The following HS6ST3 variants were observed in gnomAD, a reference collection of about 807,000 sequenced individuals.
HS6ST3 encodes heparan sulfate 6-O-sulfotransferase 3.
Under a neutral mutation model 36.7 loss-of-function variants are expected in HS6ST3, and 12 were observed. That is an observed-to-expected ratio of 0.33 (90% confidence interval 0.21 to 0.53). The LOEUF (loss-of-function observed/expected upper bound fraction) is 0.53, where lower values mean the gene tolerates loss of function less well. Among genes scored for constraint, HS6ST3 ranks in the 20% least tolerant of loss-of-function variants. HS6ST3 has a pLI of 0.95. For synonymous variants in HS6ST3, 240 were observed against 257.5 expected (o/e 0.93, Z 0.65); for missense variants, 584 against 640.9 (o/e 0.91, Z 0.96).
At chr13:96,578,573 A>G (rs1198182304) in intron 1 of HS6ST3, among the ~76,000 whole-genome samples, 1 of 151,866 alleles carries the variant, frequency 6.6e-6, no homozygotes, top group Non-Finnish European at 1.5e-5. Flanking sequence ...TTATTTATTT[A>G]TTTATTAGAC....
At chr13:96,141,005 T>TGGTG in intron 1 of HS6ST3, among the ~76,000 whole-genome samples, 1 of 152,292 alleles carries the variant, frequency 6.6e-6, no homozygotes, top group Non-Finnish European at 1.5e-5. Context: ...AAGAAAATCA[T>TGGTG]CAAGGAGAAA....
intron 1 of HS6ST3, among the ~76,000 whole-genome samples, chr13:96,112,608 T>TAG (rs2053875474): frequency 9.7e-6 from 1 of 102,686 alleles, no homozygotes; most frequent in Non-Finnish European, 2.1e-5. Flanking sequence ...TATATATATA[T>TAG]ATATATATAT....
intron 1 of HS6ST3, among the ~76,000 whole-genome samples, chr13:96,453,525 A>T: frequency 6.6e-6 from 1 of 152,232 alleles, no homozygotes. Context: ...ACCGTGGAGA[A>T]CCATCTCTCA....
chr13:96,406,709 G>A (rs9516685), intron 1 of HS6ST3, among the ~76,000 whole-genome samples: 73,296 of 151,980 alleles, frequency 0.48, 18,066 homozygotes, highest in Middle Eastern at 0.59. Flanking sequence ...ACTCATTTAA[G>A]CACAGTGTGG....
chr13:96,695,598 G>GTTT (rs1215273009), intron 1 of HS6ST3, among the ~76,000 whole-genome samples: 12 of 104,688 alleles, frequency 1.1e-4, no homozygotes, highest in Non-Finnish European at 2.0e-4. Flanking sequence ...ACCCTCAGCT[G>GTTT]TTTTTTTTTT....
At chr13:96,463,796 A>G (rs2055797212) in intron 1 of HS6ST3, among the ~76,000 whole-genome samples, 1 of 152,162 alleles carries the variant, frequency 6.6e-6, no homozygotes, top group Non-Finnish European at 1.5e-5. Flanking sequence ...AAAAAGGAAC[A>G]TAAATGGCTC....
intron 1 of HS6ST3, among the ~76,000 whole-genome samples, chr13:96,806,992 C>A (rs184763679): frequency 5.8e-4 from 89 of 152,284 alleles, no homozygotes; most frequent in African/African-American, 1.9e-3. Flanking sequence ...ATTCTGGGTT[C>A]AAAGTTTTCC....
intron 1 of HS6ST3, among the ~76,000 whole-genome samples, chr13:96,250,907 A>G (rs746746847): frequency 1.3e-5 from 2 of 152,270 alleles, no homozygotes; most frequent in Non-Finnish European, 2.9e-5. Flanking sequence ...TGTAGACTTG[A>G]GCCATCCTTG....
chr13:96,703,725 T>C (rs1450508206), intron 1 of HS6ST3, among the ~76,000 whole-genome samples: 1 of 152,210 alleles, frequency 6.6e-6, no homozygotes, highest in African/African-American at 2.4e-5. Flanking sequence ...TATTAGTCCT[T>C]ACCCTCAAAA....
chr13:96,752,832 G>C (rs971464759), intron 1 of HS6ST3, among the ~76,000 whole-genome samples: 2 of 151,936 alleles, frequency 1.3e-5, no homozygotes, highest in African/African-American at 4.8e-5. Flanking sequence ...TGGTTTGTTT[G>C]TGTCTTTTAA....
chr13:96,735,012 G>A (rs1309666342), intron 1 of HS6ST3, among the ~76,000 whole-genome samples: 2 of 152,120 alleles, frequency 1.3e-5, no homozygotes, highest in African/African-American at 2.4e-5. Flanking sequence ...ATGCTGCAGA[G>A]CTATTTTGGA....
Position 96,489,870 on chromosome 13 carries a change from G to A in HS6ST3, c.708-342620G>A, listed in dbSNP as rs1453517418. Among the ~76,000 whole-genome samples, 2 of 152,054 alleles carry A rather than the reference G, an allele frequency of 1.3e-5. 1 individual carries two copies. Among genetic ancestry groups the A allele is most frequent in the Middle Eastern group, 6.3e-3 (2 of 316 alleles). ...TATCAGATAACACTATTCTTAAAATGTCTTCTTCCACCTAGCTCAGCCAGT... is the reference window on the plus strand; with the variant it reads ...TATCAGATAACACTATTCTTAAAATATCTTCTTCCACCTAGCTCAGCCAGT... On this transcript the variant is annotated intron_variant, in intron 1 of 1. Transcript: ENST00000376705.
intron 1 of HS6ST3, among the ~76,000 whole-genome samples, chr13:96,401,627 T>C (rs2055451655): frequency 6.6e-6 from 1 of 152,132 alleles, no homozygotes; most frequent in South Asian, 2.1e-4. Flanking sequence ...CAGGCTGGAG[T>C]ATGGTGGTGC....
chr13:96,364,903 TGAAG>T (rs1566338668), intron 1 of HS6ST3, among the ~76,000 whole-genome samples: 1 of 152,214 alleles, frequency 6.6e-6, no homozygotes, highest in African/African-American at 2.4e-5. Flanking sequence ...ATCTGAAAGA[TGAAG>T]GAACAGATTA....
At chr13:96,459,804 A>G (rs1295638347) in intron 1 of HS6ST3, among the ~76,000 whole-genome samples, 1 of 152,188 alleles carries the variant, frequency 6.6e-6, no homozygotes, top group Non-Finnish European at 1.5e-5. Flanking sequence ...TACCTTTAAA[A>G]TGATAAATTG....
chr13:96,651,698 C>T (rs1427767126), intron 1 of HS6ST3, among the ~76,000 whole-genome samples: 1 of 152,110 alleles, frequency 6.6e-6, no homozygotes, highest in African/African-American at 2.4e-5. Context: ...TTCTCCAGTG[C>T]CTCTCAGCAT....
chr13:96,676,800 T>C (rs2056700327), intron 1 of HS6ST3, among the ~76,000 whole-genome samples: 2 of 152,172 alleles, frequency 1.3e-5, no homozygotes, highest in South Asian at 4.1e-4. Context: ...CTTTCATCTG[T>C]AAGATCCATT....
chr13:96,226,649 C>T (rs997835748), intron 1 of HS6ST3, among the ~76,000 whole-genome samples: 1 of 152,164 alleles, frequency 6.6e-6, no homozygotes, highest in Non-Finnish European at 1.5e-5. Flanking sequence ...AATGGAACAA[C>T]ACATTCTGTG....
chr13:96,418,200 A>C (rs1205177870), intron 1 of HS6ST3, among the ~76,000 whole-genome samples: 1 of 152,228 alleles, frequency 6.6e-6, no homozygotes, highest in Non-Finnish European at 1.5e-5. Flanking sequence ...CATGAAAAAA[A>C]CACTTGTTTG....
Sources: gnomAD v4.1 joint callset for allele counts (sites outside exome capture counted in the v4.1 genomes callset) on GRCh38, gnomAD v4.1.1 for gene constraint, MANE v1.5 for transcripts, NCBI Gene and HGNC (gene_info 2026-07-23, HGNC 2026-07-21) for gene names.